The following NAV2 variants were observed in gnomAD, a reference collection of about 807,000 sequenced individuals.
The protein encoded by NAV2 is neuron navigator 2, also known as helicase, APC down-regulated 1.
NAV2 carries 54 observed loss-of-function variants against 223.2 expected under a neutral mutation model. The ratio of observed to expected loss-of-function variants is 0.24; its 90% CI spans 0.19 to 0.30. NAV2 has a LOEUF of 0.30. Ranked by LOEUF, NAV2 falls within the 10% of genes least tolerant of loss-of-function variation. The pLI, the probability that NAV2 is intolerant of heterozygous loss-of-function variation, is 1.00. For missense variants in NAV2, 2,806 were observed against 3,147.5 expected (o/e 0.89, Z 2.60); for synonymous variants, 1,279 against 1,239.3 (o/e 1.03, Z -0.67).
At chr11:19,397,690 A>G (rs1298155554) in intron 1 of NAV2, among the ~76,000 whole-genome samples, 1 of 152,196 alleles carries the variant, frequency 6.6e-6, no homozygotes, top group Non-Finnish European at 1.5e-5. Flanking sequence ...CCTCTAAATT[A>G]TATGTCACAG....
rs2054890317 is a variant in NAV2, at chr11:19,762,949, C to T, written c.267+48987C>T. On this transcript the variant is annotated intron_variant, in intron 1 of 37. Coordinates refer to ENST00000349880, the MANE Select transcript of NAV2 (RefSeq NM_145117.5). Reference sequence around the variant, plus strand: ...TTTATTCCTTAACATCAATCTACTCCATAGGGTCTTTTGGTTACCTGTCCT... The same window carrying T: ...TTTATTCCTTAACATCAATCTACTCTATAGGGTCTTTTGGTTACCTGTCCT... Among the ~76,000 whole-genome samples, 4 of 152,194 alleles carry T rather than the reference C, an allele frequency of 2.6e-5. No individual in the cohort carries two copies. In the South Asian group the frequency reaches 8.3e-4, roughly 32 times the overall value.
chr11:19,771,700 A>G (rs538430135), intron 1 of NAV2, among the ~76,000 whole-genome samples: 16 of 152,200 alleles, frequency 1.1e-4, no homozygotes, highest in South Asian at 2.1e-4. Flanking sequence ...AGTATGCGCA[A>G]TGGGGAGATC....
At chr11:19,368,546 C>A (rs12418627) in intron 1 of NAV2, among the ~76,000 whole-genome samples, 1 of 152,252 alleles carries the variant, frequency 6.6e-6, no homozygotes, top group East Asian at 1.9e-4. Context: ...CTAGTAATCC[C>A]AGCCCTTTAT....
intron 25 of NAV2, among the ~76,000 whole-genome samples, chr11:20,082,322 G>A (rs1565017289): frequency 6.6e-6 from 1 of 152,196 alleles, no homozygotes; most frequent in Non-Finnish European, 1.5e-5. Flanking sequence ...GTGGGAGGCA[G>A]CCATTTCAGC....
intron 1 of NAV2, among the ~76,000 whole-genome samples, chr11:19,622,999 G>T (rs2047049778): frequency 6.6e-6 from 1 of 152,058 alleles, no homozygotes; most frequent in Admixed American, 6.6e-5. Context: ...GTCTGTAAAG[G>T]ATTTTATTTC....
intron 3 of NAV2, among the ~76,000 whole-genome samples, chr11:19,860,453 C>T (rs1346346833): frequency 6.6e-6 from 1 of 151,488 alleles, no homozygotes; most frequent in Non-Finnish European, 1.5e-5. Flanking sequence ...CAGAGACGCT[C>T]CTCACTTCCT....
intron 16 of NAV2, 42 bp from the exon 17 acceptor site, chr11:20,051,247 T>C (rs758656183): frequency 1.3e-6 from 2 of 1,572,720 alleles, no homozygotes; most frequent in Non-Finnish European, 1.8e-6. Flanking sequence ...GCCTTCTGTG[T>C]GCTGCTCTGA....
At chr11:20,079,375 A>G (rs1304110687) in intron 24 of NAV2, among the ~76,000 whole-genome samples, 1 of 151,846 alleles carries the variant, frequency 6.6e-6, no homozygotes. Context: ...ATTAGGGAGA[A>G]ACTGAAGTGG....
chr11:19,796,587 A>G (rs535691309), intron 1 of NAV2, among the ~76,000 whole-genome samples: 68 of 152,346 alleles, frequency 4.5e-4, no homozygotes, highest in African/African-American at 1.6e-3. Flanking sequence ...AAGCTGAGCC[A>G]TAATGCTAAA....
At chr11:19,460,831 C>G (rs1852132256) in intron 1 of NAV2, among the ~76,000 whole-genome samples, 1 of 152,056 alleles carries the variant, frequency 6.6e-6, no homozygotes, top group African/African-American at 2.4e-5. Flanking sequence ...AGATGAACTT[C>G]CTAGATAAGT....
At chr11:19,576,526 G>GT (rs1455165225) in intron 1 of NAV2, among the ~76,000 whole-genome samples, 1 of 152,006 alleles carries the variant, frequency 6.6e-6, no homozygotes, top group Non-Finnish European at 1.5e-5. Context: ...TATTGAGATA[G>GT]TTATTTGGGG....
Position 19,626,609 on chromosome 11 carries a change from T to C in NAV2, c.76-205875T>C, listed in dbSNP as rs190862068. On this transcript the variant is annotated intron_variant, in intron 1 of 37. Coordinates refer to the NAV2 transcript ENST00000360655. ...TAGGGATTGCATTGAATCTGTAGAC[T>C]GCTTTGGGTAGTATTGTCATTTTAA... Among the ~76,000 whole-genome samples, 140 of 152,292 alleles carry C rather than the reference T, an allele frequency of 9.2e-4. 1 individual carries two copies. Among genetic ancestry groups the C allele is most frequent in the African/African-American group, 3.3e-3 (138 of 41,520 alleles).
At chr11:19,530,332 C>T (rs981882646) in intron 1 of NAV2, among the ~76,000 whole-genome samples, 5 of 152,278 alleles carry the variant, frequency 3.3e-5, no homozygotes, top group South Asian at 2.1e-4. Context: ...CTGGGCATCA[C>T]GAGGCAGGGA....
chr11:19,778,324 T>A (rs752235391), intron 1 of NAV2: 2 of 455,870 alleles, frequency 4.4e-6, no homozygotes, highest in South Asian at 3.1e-5. Context: ...CCTTGGATGT[T>A]AGTTTCCTTC....
intron 1 of NAV2, among the ~76,000 whole-genome samples, chr11:19,359,092 G>A (rs1439289933): frequency 2.0e-5 from 3 of 152,178 alleles, no homozygotes; most frequent in Non-Finnish European, 4.4e-5. Flanking sequence ...CCAAATGAGA[G>A]GGTAAAAGGG....
intron 1 of NAV2, chr11:19,510,815 T>A (rs2043256137): frequency 6.6e-6 from 1 of 152,202 alleles, no homozygotes; most frequent in African/African-American, 2.4e-5. Flanking sequence ...GTCTCTTGAG[T>A]TATCCTTGGC....
chr11:20,022,002 C>T (rs2054553649), intron 11 of NAV2, among the ~76,000 whole-genome samples: 1 of 152,214 alleles, frequency 6.6e-6, no homozygotes, highest in African/African-American at 2.4e-5. Flanking sequence ...TAACCATCCC[C>T]CAGGGCCACA....
At chr11:20,000,193 G>A (rs1240666276) in intron 11 of NAV2, among the ~76,000 whole-genome samples, 2 of 152,210 alleles carry the variant, frequency 1.3e-5, no homozygotes, top group African/African-American at 2.4e-5. Flanking sequence ...ATCCTGGCAG[G>A]AGGTCTCAAT....
At chr11:20,033,740 C>T (rs989657225) in intron 11 of NAV2, among the ~76,000 whole-genome samples, 2 of 152,224 alleles carry the variant, frequency 1.3e-5, no homozygotes, top group African/African-American at 4.8e-5. Flanking sequence ...AAGCCTTTGT[C>T]TTCCTGCCTG....
Sources: gnomAD v4.1 joint callset for allele counts (sites outside exome capture counted in the v4.1 genomes callset) on GRCh38, gnomAD v4.1.1 for gene constraint, MANE v1.5 for transcripts, NCBI Gene and HGNC (gene_info 2026-07-23, HGNC 2026-07-21) for gene names.